Variants in RREB1 observed in about 807,000 individuals in gnomAD.
RREB1 encodes ras-responsive element-binding protein 1.
Under a neutral mutation model 117.8 loss-of-function variants are expected in RREB1, and 27 were observed. The ratio of observed to expected loss-of-function variants is 0.23; its 90% CI spans 0.17 to 0.32. RREB1 has a LOEUF of 0.32. Ranked by LOEUF, RREB1 falls within the 10% of genes least tolerant of loss-of-function variation. RREB1 has a pLI of 1.00. For missense variants in RREB1, 2,577 were observed against 2,378.2 expected, an observed-to-expected ratio of 1.08 and a Z score of -1.74; for synonymous variants, 1,298 against 1,026.7, an observed-to-expected ratio of 1.26 and a Z score of -5.05.
intron 4 of RREB1, 42 bp from the exon 5 acceptor site, chr6:7,187,392 T>A: frequency 7.9e-7 from 1 of 1,263,292 alleles, no homozygotes. Context: ...ACTTGTTGAC[T>A]GTGAGTTGAA....
At chr6:7,218,190 C>T (rs554415470) in intron 8 of RREB1, 1 of 152,314 alleles carries the variant, frequency 6.6e-6, no homozygotes. Context: ...CAAAAATATG[C>T]TTAGCATAGT....
rs1769345395 is a variant in RREB1 at position 7,250,106 on chromosome 6, G to A, written c.*1138G>A. ...CAGGGAACAGGCATCAAGAAGCCAG[G>A]GCCGTGCCTGGAGCACTGCAGAGAT... is the stretch of plus-strand genomic sequence containing the variant. On this transcript the variant is annotated 3_prime_UTR_variant, in exon 13 of 13. Transcript: ENST00000379938. 1 of 152,622 alleles carries A rather than the reference G, an allele frequency of 6.6e-6. No homozygotes were observed. The highest frequency in any genetic ancestry group is 1.5e-5 in the Non-Finnish European group (1 of 68,060). The allele number at this position is 152,622 out of a possible 1,614,324, so 9.5% of individuals were successfully genotyped here. A position where few individuals can be genotyped will look rare whatever the true frequency, so the allele number is the denominator to read the frequency against.
intron 8 of RREB1, among the ~76,000 whole-genome samples, chr6:7,220,737 C>CT (rs1263962328): frequency 6.6e-6 from 1 of 152,224 alleles, no homozygotes; most frequent in Non-Finnish European, 1.5e-5. Flanking sequence ...TCCTGTGGCT[C>CT]TAAGTGCAGT....
intron 1 of RREB1, among the ~76,000 whole-genome samples, chr6:7,171,533 G>C (rs779358943): frequency 6.6e-6 from 1 of 152,188 alleles, no homozygotes; most frequent in Non-Finnish European, 1.5e-5. Flanking sequence ...GCTCTACCAC[G>C]CAGCAGCTCT....
chr6:7,120,451 C>T (rs1484852717), intron 1 of RREB1, among the ~76,000 whole-genome samples: 1 of 151,860 alleles, frequency 6.6e-6, no homozygotes, highest in East Asian at 1.9e-4. Context: ...GAGACCCCTT[C>T]TCAAAAAGAA....
intron 1 of RREB1, among the ~76,000 whole-genome samples, chr6:7,132,252 A>G (rs1409994293): frequency 6.6e-6 from 1 of 151,998 alleles, no homozygotes; most frequent in Non-Finnish European, 1.5e-5. Context: ...ACAGGGTTTC[A>G]TCATGTTGGT....
At chr6:7,179,907 C>T (rs1194134557) in intron 2 of RREB1, among the ~76,000 whole-genome samples, 1 of 152,092 alleles carries the variant, frequency 6.6e-6, no homozygotes. Flanking sequence ...CCACCTTGGC[C>T]TCCCAAAGTG....
chr6:7,138,831 C>T (rs665723), intron 1 of RREB1, among the ~76,000 whole-genome samples: 100,650 of 152,116 alleles, frequency 0.66, 35,089 homozygotes, highest in Middle Eastern at 0.79. Flanking sequence ...TTCCTAGTTG[C>T]TGGAGAAGGT....
At chr6:7,220,297 A>G (rs1210058920) in intron 8 of RREB1, among the ~76,000 whole-genome samples, 1 of 152,224 alleles carries the variant, frequency 6.6e-6, no homozygotes, top group Non-Finnish European at 1.5e-5. Flanking sequence ...TATTTCTGTG[A>G]GCAGTGATTT....
At chr6:7,119,001 C>T (rs1389898286) in intron 1 of RREB1, among the ~76,000 whole-genome samples, 1 of 151,822 alleles carries the variant, frequency 6.6e-6, no homozygotes, top group Admixed American at 6.6e-5. Flanking sequence ...TGATTCAATA[C>T]ATATTTGAAT....
At chr6:7,200,280 G>GTT (rs1424204377) in intron 6 of RREB1, among the ~76,000 whole-genome samples, 11 of 93,826 alleles carry the variant, frequency 1.2e-4, no homozygotes, top group African/African-American at 2.1e-4. Context: ...GTGTGTGTGT[G>GTT]TATTTTTTTT....
At position 7,138,140 on chromosome 6, in the gene RREB1, AAAAG is replaced by A. The variant is rs1250336221; in HGVS notation, c.-285+30088_-285+30091del. Among the ~76,000 whole-genome samples, 4 of 152,324 alleles carry A rather than the reference AAAAG, an allele frequency of 2.6e-5. No homozygotes were observed. The South Asian group carries it at 6.2e-4, about 24-fold the overall frequency. On this transcript the variant is annotated intron_variant, in intron 1 of 12. Transcript: ENST00000379938. ...AGACCTAAATCTTTCAGAAAAAAAG[AAAAG>A]AAAGAAAAAGGACAGGCACTTTTCC...
chr6:7,220,242 C>G (rs1767166188), intron 8 of RREB1, among the ~76,000 whole-genome samples: 1 of 152,168 alleles, frequency 6.6e-6, no homozygotes, highest in Non-Finnish European at 1.5e-5. Context: ...CAGGTGTTTT[C>G]TGGGTGAAAC....
At chr6:7,126,348 A>C (rs1042152587) in intron 1 of RREB1, among the ~76,000 whole-genome samples, 5 of 151,044 alleles carry the variant, frequency 3.3e-5, no homozygotes, top group Non-Finnish European at 5.9e-5. Context: ...AGTGCACTAC[A>C]ACCTCCGCCT....
At chr6:7,236,968 G>A (rs1768374675) in intron 10 of RREB1, among the ~76,000 whole-genome samples, 1 of 136,402 alleles carries the variant, frequency 7.3e-6, no homozygotes, top group Non-Finnish European at 1.5e-5. Flanking sequence ...ACCCTGGCTA[G>A]AGTACAGTGG....
rs758306467 is a variant in RREB1, at chr6:7,229,286, T to C, written c.1187T>C (p.Leu396Pro). ...DDNQAIQLQT[L>P]KCQLPQDPGC... ...AACCAGGCAATTCAGCTCCAGACAC[T>C]CAAGTGTCAGCTACCTCAGGACCCC... Residue 396 changes from leucine to proline, a missense_variant, in exon 10 of 13, where the codon CTC becomes CCC. Leu to Pro is a moderately conservative substitution (Grantham distance 98, BLOSUM62 -3). Coordinates refer to ENST00000379938, the MANE Select transcript of RREB1 (RefSeq NM_001003699.4). The surrounding 1 kb of genome is among the most constrained non-coding windows in gnomAD (Gnocchi z 4.5). The C allele has an allele frequency of 9.3e-6, 15 of 1,613,840 alleles. No individual in the cohort carries two copies. The Admixed American group carries it at 2.3e-4, about 25-fold the overall frequency.
chr6:7,197,135 T>C (rs1765716241), intron 6 of RREB1, among the ~76,000 whole-genome samples: 1 of 152,192 alleles, frequency 6.6e-6, no homozygotes, highest in African/African-American at 2.4e-5. Flanking sequence ...TGCAAAGCTG[T>C]GAAGAAATGA....
At chr6:7,130,479 GC>G (rs1330784331) in intron 1 of RREB1, among the ~76,000 whole-genome samples, 2 of 152,134 alleles carry the variant, frequency 1.3e-5, no homozygotes, top group Non-Finnish European at 2.9e-5. Context: ...GGGAGTCTCT[GC>G]CTGGTGCCTG....
Position 7,230,524 on chromosome 6 carries a change from A to G in RREB1, c.2425A>G (p.Ile809Val). 1.3e-6 allele frequency: 2 copies of G among 1,595,240 alleles called. No homozygotes were observed. Among genetic ancestry groups the G allele is most frequent in the South Asian group, 1.1e-5 (1 of 90,350 alleles). The part of the protein sequence containing the change: ...FAAKRNCIHH[I>V]LKQHLHVPEQ... ...GGCCAAGCGCAACTGCATCCACCAC[A>G]TCCTCAAGCAGCACCTGCACGTGCC... is the stretch of plus-strand genomic sequence containing the variant. The change falls in exon 10 of 13, where the codon ATC (isoleucine) becomes GTC (valine). Residue 809 changes from isoleucine (I) to valine (V), a missense_variant. Ile to Val is a conservative substitution (Grantham distance 29). Coordinates refer to ENST00000379938, the MANE Select transcript of RREB1 (RefSeq NM_001003699.4).
Sources: gnomAD v4.1 joint callset for allele counts (sites outside exome capture counted in the v4.1 genomes callset) on GRCh38, gnomAD v4.1.1 for gene constraint, Gnocchi (gnomAD v3.1) non-coding constraint, MANE v1.5 for transcripts, NCBI Gene and HGNC (gene_info 2026-07-23, HGNC 2026-07-21) for gene names.